GLDC: variants seen among roughly 807,000 people sequenced by gnomAD.
The protein encoded by GLDC is glycine decarboxylase.
In GLDC, 104 loss-of-function variants were observed where a neutral mutation model predicts 121.3. The ratio of observed to expected loss-of-function variants is 0.86; its 90% CI spans 0.73 to 1.01. The LOEUF (loss-of-function observed/expected upper bound fraction) is 1.01. GLDC is among the 50% of genes least tolerant of loss of function. The pLI, the probability that GLDC is intolerant of heterozygous loss-of-function variation, is 0.00. For missense variants in GLDC, 1,429 were observed against 1,306.6 expected, an observed-to-expected ratio of 1.09 and a Z score of -1.44; for synonymous variants, 546 against 480.6, an observed-to-expected ratio of 1.14 and a Z score of -1.78.
chr9:6,592,087 T>G (rs1316025911), intron 11 of GLDC, 56 bp downstream of exon 11: 1 of 1,085,806 alleles, frequency 9.2e-7, no homozygotes, highest in Non-Finnish European at 1.4e-6. Context: ...GATAAGCTAC[T>G]TTTGCTACCA....
intron 2 of GLDC, among the ~76,000 whole-genome samples, chr9:6,644,107 T>C (rs1383063656): frequency 6.7e-6 from 1 of 149,652 alleles, no homozygotes; most frequent in African/African-American, 2.5e-5. Context: ...TACTGCTGTC[T>C]TTCAGTTGGT....
rs1207965654 is a variant in GLDC at position 6,621,317 on chromosome 9, T to C, written c.335-998A>G. Among the ~76,000 whole-genome samples the C allele has an allele frequency of 6.6e-5, 10 of 152,290 alleles. No homozygotes were observed. The East Asian group carries it at 1.9e-3, about 29-fold the overall frequency. The stretch of plus-strand genomic sequence containing the variant: ...CATTCATATAATCACAAAATAATAA[T>C]AGCATTTGACATTTATTGAACATTA... On this transcript the variant is annotated intron_variant, in intron 2 of 24. Transcript: ENST00000321612.
chr9:6,608,473 G>A (rs976474137), intron 4 of GLDC, among the ~76,000 whole-genome samples: 2 of 149,730 alleles, frequency 1.3e-5, no homozygotes, highest in African/African-American at 2.5e-5. Context: ...GGGCTCAGTG[G>A]CTCACGCCTA....
intron 3 of GLDC, 113 bp from the exon 4 acceptor site, chr9:6,610,469 AT>A (rs1462589589): frequency 1.1e-6 from 1 of 939,644 alleles, no homozygotes; most frequent in Non-Finnish European, 1.7e-6. Flanking sequence ...CTTGAGGAGA[AT>A]TACATAACAC....
chr9:6,587,535 A>C (rs1042885121), intron 14 of GLDC, among the ~76,000 whole-genome samples: 5 of 152,224 alleles, frequency 3.3e-5, no homozygotes, highest in Admixed American at 6.5e-5. Context: ...CTAACTTTTC[A>C]GGGAAGAAAA....
At chr9:6,573,415 C>T (rs773899516) in intron 15 of GLDC, among the ~76,000 whole-genome samples, 11 of 152,002 alleles carry the variant, frequency 7.2e-5, no homozygotes, top group African/African-American at 1.9e-4. Flanking sequence ...GAGCTGAGAT[C>T]GTGCCACTGT....
chr9:6,561,369 C>G (rs1165532349), intron 16 of GLDC, among the ~76,000 whole-genome samples: 1 of 152,074 alleles, frequency 6.6e-6, no homozygotes, highest in East Asian at 1.9e-4. Flanking sequence ...GTAGTGTTGG[C>G]CGGGCGAGGT....
intron 22 of GLDC, among the ~76,000 whole-genome samples, chr9:6,537,179 C>T (rs1164144336): frequency 3.9e-5 from 6 of 152,022 alleles, no homozygotes; most frequent in Admixed American, 1.3e-4. Flanking sequence ...TACAGGTGCA[C>T]GCCACCATGC....
At chr9:6,608,960 G>A (rs1365157748) in intron 4 of GLDC, among the ~76,000 whole-genome samples, 1 of 152,088 alleles carries the variant, frequency 6.6e-6, no homozygotes, top group African/African-American at 2.4e-5. Context: ...AAAGGCCTAT[G>A]GCTGGAATGC....
Position 6,594,300 on chromosome 9 carries a change from T to G in GLDC, c.1261+714A>C, listed in dbSNP as rs10975667. Among the ~76,000 whole-genome samples the G allele has an allele frequency of 2.2e-3, 328 of 152,302 alleles. 5 individuals carry two copies. The East Asian group carries it at 0.057, about 27-fold the overall frequency. On this transcript the variant is annotated intron_variant, in intron 9 of 24. Transcript: ENST00000321612. ...TAATGTCTTTTGCCTATTTTTCTAT[T>G]AGGGTGTTCATCCTTCTTATGTTTG...
At chr9:6,634,480 G>C (rs1355310275) in intron 2 of GLDC, among the ~76,000 whole-genome samples, 1 of 151,912 alleles carries the variant, frequency 6.6e-6, no homozygotes, top group East Asian at 1.9e-4. Flanking sequence ...AGTGAACTGA[G>C]ATCGCACCAC....
chr9:6,545,122 T>G (rs1394085770), intron 21 of GLDC, among the ~76,000 whole-genome samples: 2 of 150,216 alleles, frequency 1.3e-5, no homozygotes, highest in African/African-American at 4.9e-5. Context: ...AAAAAAAAAG[T>G]ATCATCTTAC....
chr9:6,611,114 C>A (rs1818841989), intron 3 of GLDC, among the ~76,000 whole-genome samples: 1 of 152,178 alleles, frequency 6.6e-6, no homozygotes, highest in African/African-American at 2.4e-5. Context: ...TTCTCATTAT[C>A]CAGTTACTAA....
In GLDC at chr9:6,550,534, A is replaced by G. The variant is rs28499127; in HGVS notation, c.2569+269T>C. On this transcript the variant is annotated intron_variant, in intron 21 of 24. Coordinates refer to ENST00000321612, the MANE Select transcript of GLDC (RefSeq NM_000170.3). ...CCCAGCTACTCGGGAGGCTGAGGCAAAAGAATCGCTTGAACCCGGGAGGCA... is the reference window on the plus strand; with the variant it reads ...CCCAGCTACTCGGGAGGCTGAGGCAGAAGAATCGCTTGAACCCGGGAGGCA... 0.41 allele frequency among the ~76,000 whole-genome samples: 61,880 copies of G among 151,864 alleles called. 13,386 individuals carry two copies. Among genetic ancestry groups the G allele is most frequent in the Admixed American group, 0.5 (7,681 of 15,256 alleles).
In GLDC at chr9:6,594,992, T is replaced by A. The variant is rs189572490; in HGVS notation, c.1261+22A>T. On this transcript the variant is annotated intron_variant, in intron 9 of 24. Coordinates refer to ENST00000321612, the MANE Select transcript of GLDC (RefSeq NM_000170.3). The stretch of plus-strand genomic sequence containing the variant: ...TATCAATTTTATTATGCCCAAATGT[T>A]TTAGACAGATTACCAACTCACCTTC... The A allele has an allele frequency of 7.9e-4, 1,090 of 1,374,208 alleles. 6 individuals are homozygous for A. The African/African-American group carries it at 0.014, about 18-fold the overall frequency. 85.1% of individuals were successfully genotyped at this position (1,374,208 alleles called of 1,614,324 possible). A position where few individuals can be genotyped will look rare whatever the true frequency, so the allele number is the denominator to read the frequency against.
At chr9:6,619,898 A>G (rs143265885) in intron 3 of GLDC, among the ~76,000 whole-genome samples, 129 of 152,370 alleles carry the variant, frequency 8.5e-4, no homozygotes, top group African/African-American at 3.1e-3. Flanking sequence ...TTACTCAAAT[A>G]CAGCACAGAA....
Position 6,620,315 on chromosome 9 carries a change from T to A in GLDC, c.339A>T (p.Glu113Asp), listed in dbSNP as rs1214901307. 2.5e-6 allele frequency: 4 copies of A among 1,613,524 alleles called. No homozygotes were observed. Among genetic ancestry groups the A allele is most frequent in the South Asian group, 2.2e-5 (2 of 91,070 alleles). Residue 113 changes from glutamate to aspartate, a missense_variant, in exon 3 of 25, where the codon GAA (glutamate) becomes GAT (aspartate). Physicochemically the swap from Glu to Asp is conservative, Grantham distance 45 (BLOSUM62 2). Transcript: ENST00000321612. ...RPLKMEDPVC[E>D]NEILATLHAI... ...CATGCAGAGTTGCAAGGATTTCATT[T>A]TCACCTAATTGTGGGAAAAAGAGAA...
At position 6,605,235 on chromosome 9, in the gene GLDC, C is replaced by G. The variant is rs1025878553; in HGVS notation, c.757G>C (p.Asp253His). The change falls in exon 6 of 25, where the codon GAC becomes CAC. Residue 253 changes from aspartate (D) to histidine (H), a missense_variant. Asp to His is a moderately conservative substitution (Grantham distance 81). Transcript: ENST00000321612. ...LTELKLPCEM[D>H]FSGKDVSGVL... is the part of the protein sequence containing the mutation. ...CCACTGACATCTTTTCCACTGAAGT[C>G]CATTTCACAGGGTAACTTCAGCTCA... 3.7e-6 allele frequency: 6 copies of G among 1,613,678 alleles called. No individual in the cohort carries two copies. The highest frequency in any genetic ancestry group is 4.2e-6 in the Non-Finnish European group (5 of 1,179,598).
intron 15 of GLDC, among the ~76,000 whole-genome samples, chr9:6,576,930 A>C (rs1428769951): frequency 6.6e-6 from 1 of 152,226 alleles, no homozygotes; most frequent in East Asian, 1.9e-4. Context: ...GTAGGAAGCC[A>C]CATAACAGAG....
Sources: allele counts gnomAD v4.1 joint callset (sites outside exome capture counted in the v4.1 genomes callset), GRCh38; gene constraint gnomAD v4.1.1; transcripts MANE v1.5; gene names NCBI Gene and HGNC (gene_info 2026-07-23, HGNC 2026-07-21).